Variants in COL23A1 observed in about 807,000 individuals in gnomAD.
COL23A1 encodes the protein collagen type XXIII alpha 1 chain, also known as collagen alpha-1(XXIII) chain.
In COL23A1, 97 loss-of-function variants were observed where a neutral mutation model predicts 99.3. That is an observed-to-expected ratio of 0.98 (90% CI 0.83 to 1.16). COL23A1 has a LOEUF of 1.16. COL23A1 is among the 50% of genes most tolerant of loss of function. The probability of loss-of-function intolerance (pLI) is 0.00; values close to 1 mark genes in which losing one functional copy is unlikely to be tolerated. For synonymous variants in COL23A1, 320 were observed against 308.2 expected, an observed-to-expected ratio of 1.04 and a Z score of -0.40; for missense variants, 762 against 757.4, an observed-to-expected ratio of 1.01 and a Z score of -0.07.
Position 178,247,542 on chromosome 5 carries a change from C to T in COL23A1, c.1280G>A (p.Gly427Glu). Residue 427 changes from glycine (G) to glutamate (E), a missense_variant, in exon 22 of 29, where the codon GGA becomes GAA. Coordinates refer to ENST00000390654, the MANE Select transcript of COL23A1 (RefSeq NM_173465.4). The stretch of plus-strand genomic sequence containing the variant: ...CCCACTCACCTTGGGACCCTGGATT[C>T]CCTGGAGGCCCTGCAGGAGGAGGAA... The part of the protein sequence containing the change: ...PGPPGPMGLQ[G>E]IQGPKGLDGA... 1.2e-6 allele frequency: 2 copies of T among 1,614,106 alleles called. No homozygotes were observed. The highest frequency in any genetic ancestry group is 1.7e-6 in the Non-Finnish European group (2 of 1,179,960).
intron 2 of COL23A1, among the ~76,000 whole-genome samples, chr5:178,511,962 A>C (rs993987784): frequency 1.1e-4 from 16 of 152,348 alleles, no homozygotes; most frequent in African/African-American, 3.6e-4. Flanking sequence ...TATTGGGAGT[A>C]GAGATTTCGT....
chr5:178,564,591 T>A (rs931493152), intron 1 of COL23A1, among the ~76,000 whole-genome samples: 3 of 152,146 alleles, frequency 2.0e-5, no homozygotes, highest in Admixed American at 2.0e-4. Flanking sequence ...GATGAGTTTC[T>A]GAGAAAAAGA....
At chr5:178,279,807 C>T (rs749874397) in intron 5 of COL23A1, among the ~76,000 whole-genome samples, 2 of 152,230 alleles carry the variant, frequency 1.3e-5, no homozygotes, top group African/African-American at 2.4e-5. Context: ...CACCTTCTGA[C>T]TTCGACTCAC....
chr5:178,437,563 C>T (rs563265670), intron 2 of COL23A1, among the ~76,000 whole-genome samples: 2 of 152,182 alleles, frequency 1.3e-5, no homozygotes, highest in African/African-American at 2.4e-5. Flanking sequence ...GCTATCTGCC[C>T]AGCAAGGCAT....
chr5:178,413,023 C>CA (rs34110305), intron 2 of COL23A1, among the ~76,000 whole-genome samples: 141,427 of 148,388 alleles, frequency 0.95, 67,368 homozygotes, highest in South Asian at 0.97. Flanking sequence ...CCCATTTCTA[C>CA]AAAAAAAAAA....
At position 178,288,316 on chromosome 5, in the gene COL23A1, C is replaced by G. The variant is rs755231657; in HGVS notation, c.441+8G>C. 1.0e-5 allele frequency: 16 copies of G among 1,607,528 alleles called. No individual in the cohort carries two copies. Among genetic ancestry groups the G allele is most frequent in the Non-Finnish European group, 1.3e-5 (15 of 1,173,872 alleles). ...GTGAAGAGAGCAAAAAAATAAATGA[C>G]AAATTACCGGGTAGCCATCTCGTCC... is the stretch of plus-strand genomic sequence containing the variant. On this transcript the variant is annotated splice_region_variant and intron_variant, in intron 5 of 28. Transcript: ENST00000390654.
chr5:178,300,705 C>T (rs1281495287), intron 3 of COL23A1, among the ~76,000 whole-genome samples: 3 of 146,332 alleles, frequency 2.1e-5, no homozygotes, highest in Admixed American at 6.9e-5. Context: ...ACTATAGGCA[C>T]GCCTGGCTAG....
At position 178,532,338 on chromosome 5, in the gene COL23A1, G is replaced by C. The variant is rs141120598; in HGVS notation, c.361+28344C>G. On this transcript the variant is annotated intron_variant, in intron 2 of 28. Coordinates refer to ENST00000390654, the MANE Select transcript of COL23A1 (RefSeq NM_173465.4). ...GGCTGAAAACCTGGGGATGGAAGTG[G>C]CCTTTTTAGGAGCAGCCTTAAGAAA... 2.2e-3 allele frequency among the ~76,000 whole-genome samples: 335 copies of C among 152,326 alleles called. 2 individuals are homozygous for C. The highest frequency in any genetic ancestry group is 7.2e-3 in the African/African-American group (300 of 41,572).
At chr5:178,490,797 T>C (rs943129497) in intron 2 of COL23A1, among the ~76,000 whole-genome samples, 2 of 152,050 alleles carry the variant, frequency 1.3e-5, no homozygotes, top group South Asian at 2.1e-4. Context: ...AAGATTTAAA[T>C]GGTAAATTTT....
intron 2 of COL23A1, among the ~76,000 whole-genome samples, chr5:178,537,995 A>T (rs889262061): frequency 6.6e-6 from 1 of 152,196 alleles, no homozygotes; most frequent in African/African-American, 2.4e-5. Context: ...TCCTGTTGTG[A>T]CTGGCTTAGT....
chr5:178,241,044 C>T (rs567722063), intron 27 of COL23A1, among the ~76,000 whole-genome samples: 186 of 152,200 alleles, frequency 1.2e-3, no homozygotes, highest in African/African-American at 4.2e-3. Flanking sequence ...CCAGCCTGGA[C>T]GACATTGCAA....
chr5:178,279,381 C>T (rs949392288), intron 5 of COL23A1, among the ~76,000 whole-genome samples: 5 of 152,228 alleles, frequency 3.3e-5, no homozygotes, highest in Admixed American at 1.3e-4. Flanking sequence ...CCTTCCTGAC[C>T]GGAGGATGTG....
At chr5:178,557,482 T>A (rs1239519095) in intron 2 of COL23A1, among the ~76,000 whole-genome samples, 1 of 152,122 alleles carries the variant, frequency 6.6e-6, no homozygotes, top group South Asian at 2.1e-4. Context: ...CTGCCAGCGA[T>A]ATCCACTGGC....
intron 1 of COL23A1, among the ~76,000 whole-genome samples, chr5:178,567,507 C>T (rs947720248): frequency 6.6e-6 from 1 of 152,168 alleles, no homozygotes; most frequent in African/African-American, 2.4e-5. Context: ...ATTTGGGACA[C>T]CAGGACGGGC....
intron 2 of COL23A1, among the ~76,000 whole-genome samples, chr5:178,362,819 ACAGCC>A (rs1214544732): frequency 6.6e-6 from 1 of 152,142 alleles, no homozygotes; most frequent in African/African-American, 2.4e-5. Flanking sequence ...GCCCGATGGC[ACAGCC>A]CAGCCCATGG....
chr5:178,478,087 G>A (rs776315503), intron 2 of COL23A1, among the ~76,000 whole-genome samples: 2 of 152,284 alleles, frequency 1.3e-5, no homozygotes, highest in Non-Finnish European at 2.9e-5. Flanking sequence ...TGGGTGGGGC[G>A]GTCCTGCAGG....
At chr5:178,328,678 G>A (rs1394721939) in intron 2 of COL23A1, among the ~76,000 whole-genome samples, 2 of 152,152 alleles carry the variant, frequency 1.3e-5, no homozygotes, top group African/African-American at 4.8e-5. Context: ...GTTTAAGGGG[G>A]TGCATGCTCA....
intron 2 of COL23A1, among the ~76,000 whole-genome samples, chr5:178,452,374 C>A (rs1365535759): frequency 6.6e-6 from 1 of 152,094 alleles, no homozygotes. Flanking sequence ...AGTTTAAAGG[C>A]AAACCTGAGA....
chr5:178,309,638 CG>C lies in COL23A1; in HGVS notation c.362-2720del, dbSNP rs956473539. ...CAAGCTCACCTCCCGACTTCCCACGCGCCCCCTGCCTCCCTTGTTACTTACC... is the reference window on the plus strand; with the variant it reads ...CAAGCTCACCTCCCGACTTCCCACGCCCCCCTGCCTCCCTTGTTACTTACC... On this transcript the variant is annotated intron_variant, in intron 2 of 28. Transcript: ENST00000390654. This position sits in a 1 kb window ranked among gnomAD's most constrained non-coding sequence, Gnocchi z 4.7. Among the ~76,000 whole-genome samples the C allele has an allele frequency of 2.0e-5, 3 of 152,030 alleles. No homozygotes were observed. Among genetic ancestry groups the C allele is most frequent in the Non-Finnish European group, 4.4e-5 (3 of 67,980 alleles).
Sources: gnomAD v4.1 joint callset for allele counts (sites outside exome capture counted in the v4.1 genomes callset) on GRCh38, gnomAD v4.1.1 for gene constraint, Gnocchi (gnomAD v3.1) non-coding constraint, MANE v1.5 for transcripts, NCBI Gene and HGNC (gene_info 2026-07-23, HGNC 2026-07-21) for gene names.